TENM3: variants seen among roughly 807,000 people sequenced by gnomAD.
The protein encoded by TENM3 is teneurin-3.
A neutral mutation model predicts 255.1 loss-of-function variants in TENM3; 63 were observed. The ratio of observed to expected loss-of-function variants is 0.25; its 90% CI spans 0.20 to 0.30. The LOEUF is 0.30. TENM3 is among the 10% of genes least tolerant of loss of function. The pLI, the probability that TENM3 is intolerant of heterozygous loss-of-function variation, is 1.00. For missense variants in TENM3, 2,929 were observed against 3,461.1 expected (o/e 0.85, Z 3.86); for synonymous variants, 1,306 against 1,322.3 (o/e 0.99, Z 0.27).
intron 3 of TENM3, among the ~76,000 whole-genome samples, chr4:182,553,430 C>A (rs1023285877): frequency 3.3e-5 from 5 of 151,130 alleles, no homozygotes; most frequent in Non-Finnish European, 5.9e-5. Context: ...CCTAATGCTA[C>A]ATGACGAGTT....
At chr4:182,694,228 G>A (rs568189558) in intron 12 of TENM3, among the ~76,000 whole-genome samples, 2 of 152,046 alleles carry the variant, frequency 1.3e-5, no homozygotes, top group African/African-American at 4.8e-5. Flanking sequence ...TCCCACGTCA[G>A]CCTCCCGAAT....
chr4:181,455,817 G>A, the TENM3 span, among the ~76,000 whole-genome samples: 6 of 151,858 alleles, frequency 4.0e-5, no homozygotes, highest in South Asian at 4.2e-4. Flanking sequence ...CTATATTAAC[G>A]GCAGGTTGTC....
At chr4:182,079,375 G>T in the TENM3 span, among the ~76,000 whole-genome samples, 5 of 152,136 alleles carry the variant, frequency 3.3e-5, no homozygotes, top group African/African-American at 7.2e-5. Context: ...AATTAGCCGG[G>T]CGCAGTGGCG....
At chr4:181,623,861 TATG>T in the TENM3 span, among the ~76,000 whole-genome samples, 40 of 152,316 alleles carry the variant, frequency 2.6e-4, no homozygotes, top group African/African-American at 9.1e-4. Context: ...AAAAGTGAAA[TATG>T]ATGCATAGAA....
chr4:182,065,116 C>T, the TENM3 span, among the ~76,000 whole-genome samples: 1 of 151,630 alleles, frequency 6.6e-6, no homozygotes, highest in Non-Finnish European at 1.5e-5. Flanking sequence ...CTCACCTCAA[C>T]CACCACCTCC....
At chr4:182,341,767 T>A (rs1196900556) in intron 2 of TENM3, among the ~76,000 whole-genome samples, 1 of 152,152 alleles carries the variant, frequency 6.6e-6, no homozygotes, top group Non-Finnish European at 1.5e-5. Context: ...GAAAAATATT[T>A]TACATGGAGT....
At chr4:181,709,056 T>C in the TENM3 span, among the ~76,000 whole-genome samples, 1 of 152,202 alleles carries the variant, frequency 6.6e-6, no homozygotes, top group Non-Finnish European at 1.5e-5. Flanking sequence ...GTAATAATAC[T>C]TACAAAAGCT....
the TENM3 span, among the ~76,000 whole-genome samples, chr4:181,998,839 A>G: frequency 6.6e-6 from 1 of 152,198 alleles, no homozygotes; most frequent in African/African-American, 2.4e-5. Context: ...CTTGGAATAT[A>G]GGCATTTTAT....
At chr4:182,157,929 C>T (rs965619) in intron 1 of TENM3, among the ~76,000 whole-genome samples, 77,697 of 152,070 alleles carry the variant, frequency 0.51, 20,055 homozygotes, top group East Asian at 0.6. Context: ...CCAAGATATG[C>T]GTCCTCTCAT....
At chr4:181,826,126 C>CAAA in the TENM3 span, among the ~76,000 whole-genome samples, 1 of 152,066 alleles carries the variant, frequency 6.6e-6, no homozygotes, top group South Asian at 2.1e-4. Flanking sequence ...ACTATAAAAG[C>CAAA]ATTCCAGTTA....
chr4:182,615,318 A>G (rs970549594), intron 4 of TENM3, among the ~76,000 whole-genome samples: 9 of 152,046 alleles, frequency 5.9e-5, no homozygotes, highest in African/African-American at 2.2e-4. Context: ...CCAGCCAGAA[A>G]GGTTGAGAGT....
chr4:181,783,108 G>T, the TENM3 span, among the ~76,000 whole-genome samples: 8 of 152,178 alleles, frequency 5.3e-5, no homozygotes, highest in Non-Finnish European at 7.3e-5. Context: ...TTGATTTGGG[G>T]TGGAGAGTTC....
chr4:182,240,795 A>G (rs570819406), upstream of TENM3, among the ~76,000 whole-genome samples: 1 of 152,182 alleles, frequency 6.6e-6, no homozygotes, highest in Non-Finnish European at 1.5e-5. Flanking sequence ...AGGGCCTGGG[A>G]TGGAATGCAG....
At chr4:181,753,770 G>A in the TENM3 span, among the ~76,000 whole-genome samples, 1 of 152,176 alleles carries the variant, frequency 6.6e-6, no homozygotes, top group South Asian at 2.1e-4. Context: ...TTTGCATGTA[G>A]TTTTGTTGTT....
At chr4:182,332,650 C>T (rs556627164) in intron 2 of TENM3, among the ~76,000 whole-genome samples, 74 of 149,896 alleles carry the variant, frequency 4.9e-4, no homozygotes, top group African/African-American at 1.6e-3. Flanking sequence ...GCCAAGATCA[C>T]GCCACTGCAC....
chr4:181,784,882 A>G, the TENM3 span, among the ~76,000 whole-genome samples: 1 of 152,180 alleles, frequency 6.6e-6, no homozygotes, highest in East Asian at 1.9e-4. Context: ...GGAGTGAGAG[A>G]TAAGTTATTT....
At chr4:181,907,552 G>C in the TENM3 span, among the ~76,000 whole-genome samples, 1 of 152,184 alleles carries the variant, frequency 6.6e-6, no homozygotes, top group Non-Finnish European at 1.5e-5. Flanking sequence ...CCAGAGTCCT[G>C]TGCTGGGTAT....
the TENM3 span, among the ~76,000 whole-genome samples, chr4:181,457,273 C>T: frequency 6.6e-6 from 1 of 151,802 alleles, no homozygotes; most frequent in Non-Finnish European, 1.5e-5. Flanking sequence ...TCTGTAGGCA[C>T]TGAAACTTGG....
At chr4:182,244,410 A>G (rs371883874) in intron 1 of TENM3, among the ~76,000 whole-genome samples, 7 of 152,300 alleles carry the variant, frequency 4.6e-5, no homozygotes, top group South Asian at 2.1e-4. Flanking sequence ...CCAGCCATAC[A>G]TGTTAGAGTG....
Sources: allele counts gnomAD v4.1 joint callset (sites outside exome capture counted in the v4.1 genomes callset), GRCh38; gene constraint gnomAD v4.1.1; transcripts MANE v1.5; gene names NCBI Gene and HGNC (gene_info 2026-07-23, HGNC 2026-07-21).